VAT1L: variants seen among roughly 807,000 people sequenced by gnomAD.
VAT1L encodes putative NADPH-dependent quinone oxidoreductase VAT1L.
VAT1L carries 34 observed loss-of-function variants against 44.1 expected under a neutral mutation model. That is an observed-to-expected ratio of 0.77 (90% confidence interval 0.59 to 1.03). VAT1L has a LOEUF of 1.03. Ranked by LOEUF, VAT1L falls within the 50% of genes least tolerant of loss-of-function variation. VAT1L has a pLI of 0.00. For synonymous variants in VAT1L, 253 were observed against 202.2 expected, an observed-to-expected ratio of 1.25 and a Z score of -2.13; for missense variants, 615 against 538.8, an observed-to-expected ratio of 1.14 and a Z score of -1.40.
chr16:77,923,224 G>C (rs899453827), intron 7 of VAT1L, among the ~76,000 whole-genome samples: 4 of 152,224 alleles, frequency 2.6e-5, no homozygotes, highest in African/African-American at 9.6e-5. Context: ...GCCAAGGTGG[G>C]TGGATCATGA....
chr16:77,944,522 G>C (rs185577979), intron 7 of VAT1L, among the ~76,000 whole-genome samples: 3 of 152,138 alleles, frequency 2.0e-5, no homozygotes, highest in African/African-American at 7.2e-5. Flanking sequence ...CATGAGCATA[G>C]TAAGTGCTAG....
intron 3 of VAT1L, among the ~76,000 whole-genome samples, chr16:77,841,578 G>T (rs117962229): frequency 3.9e-5 from 6 of 152,128 alleles, no homozygotes; most frequent in African/African-American, 1.4e-4. Flanking sequence ...CTTTGTCCAC[G>T]GTACAGGAAT....
intron 3 of VAT1L, among the ~76,000 whole-genome samples, chr16:77,845,492 C>T (rs909709498): frequency 6.6e-6 from 1 of 152,182 alleles, no homozygotes; most frequent in Admixed American, 6.5e-5. Flanking sequence ...CACCCTAACT[C>T]GTTCATCTGA....
At chr16:77,977,077 C>G (rs2018349307) in intron 8 of VAT1L, among the ~76,000 whole-genome samples, 1 of 152,210 alleles carries the variant, frequency 6.6e-6, no homozygotes, top group African/African-American at 2.4e-5. Flanking sequence ...CTTGTGGGCA[C>G]CTGCCCCTCT....
intron 3 of VAT1L, among the ~76,000 whole-genome samples, chr16:77,842,300 A>G (rs1237969924): frequency 6.6e-6 from 1 of 152,166 alleles, no homozygotes; most frequent in Non-Finnish European, 1.5e-5. Flanking sequence ...CTGTAGATCT[A>G]TAGATGGGTG....
In VAT1L at chr16:77,906,157, C is replaced by T. The variant is rs2017434606; in HGVS notation, c.1077+21355C>T. On this transcript the variant is annotated intron_variant, in intron 7 of 8. Coordinates refer to ENST00000302536, the MANE Select transcript of VAT1L (RefSeq NM_020927.3). ...CACTCATCAAAAAGTTTGTCACTTA[C>T]TCTGTGCTAGGGGATGTTGTAAGGT... 2.0e-5 allele frequency among the ~76,000 whole-genome samples: 3 copies of T among 152,184 alleles called. No homozygotes were observed. In the South Asian group the frequency reaches 6.2e-4, roughly 32 times the overall value.
At chr16:77,806,110 G>C (rs533811494) in intron 1 of VAT1L, among the ~76,000 whole-genome samples, 1 of 151,916 alleles carries the variant, frequency 6.6e-6, no homozygotes, top group African/African-American at 2.4e-5. Context: ...TGATCTGCCT[G>C]CCTTGGCCTC....
intron 7 of VAT1L, among the ~76,000 whole-genome samples, chr16:77,916,556 A>G (rs1473171499): frequency 6.6e-6 from 1 of 152,154 alleles, no homozygotes; most frequent in Non-Finnish European, 1.5e-5. Flanking sequence ...GCCTCAAGCA[A>G]TTCTCCCCAG....
chr16:77,849,394 C>T (rs978052105), intron 3 of VAT1L, among the ~76,000 whole-genome samples: 1 of 152,156 alleles, frequency 6.6e-6, no homozygotes, highest in Non-Finnish European at 1.5e-5. Flanking sequence ...CATTCATCTC[C>T]ATGTTTTTAT....
At chr16:77,900,317 C>T (rs2017366831) in intron 7 of VAT1L, among the ~76,000 whole-genome samples, 1 of 151,960 alleles carries the variant, frequency 6.6e-6, no homozygotes, top group Non-Finnish European at 1.5e-5. Flanking sequence ...CTTATTTTGC[C>T]CTTTCTCCCA....
chr16:77,799,782 AG>A (rs1168647646), intron 1 of VAT1L, among the ~76,000 whole-genome samples: 2 of 152,138 alleles, frequency 1.3e-5, no homozygotes, highest in Non-Finnish European at 2.9e-5. Context: ...ACAGTTATTA[AG>A]TCACATTAAA....
intron 1 of VAT1L, among the ~76,000 whole-genome samples, chr16:77,802,622 ACACACACACACACACACACACACACAC>A (rs2016082256): frequency 3.0e-4 from 25 of 83,478 alleles, no homozygotes; most frequent in Non-Finnish European, 6.4e-4. Context: ...TCAAACACAC[ACACACACACACACACACACACACACAC>A]ACACACACAC....
At chr16:77,905,747 C>T (rs2017430189) in intron 7 of VAT1L, among the ~76,000 whole-genome samples, 1 of 152,100 alleles carries the variant, frequency 6.6e-6, no homozygotes, top group East Asian at 1.9e-4. Flanking sequence ...ACTTTCATCA[C>T]CTGTGTTTGT....
At chr16:77,811,795 G>T (rs1356509760) in intron 1 of VAT1L, among the ~76,000 whole-genome samples, 2 of 152,144 alleles carry the variant, frequency 1.3e-5, no homozygotes, top group Non-Finnish European at 2.9e-5. Context: ...AAGTGTAGAG[G>T]CCAAGGCTAG....
chr16:77,903,495 C>G (rs1470786251), intron 7 of VAT1L, among the ~76,000 whole-genome samples: 1 of 152,052 alleles, frequency 6.6e-6, no homozygotes, highest in Non-Finnish European at 1.5e-5. Context: ...AATAGCACTA[C>G]TAGTTACTGA....
In VAT1L at chr16:77,866,492, A is replaced by G. The variant is rs540557454; in HGVS notation, c.722+3602A>G. ...ACAAATTCTCGGTGCATGTAGACTT[A>G]AAATGAAAGGAAAGGGAAAATATCC... On this transcript the variant is annotated intron_variant, in intron 4 of 8. Transcript: ENST00000302536. Among the ~76,000 whole-genome samples, 24 of 152,358 alleles carry G rather than the reference A, an allele frequency of 1.6e-4. No homozygotes were observed. The South Asian group carries it at 4.8e-3, about 30-fold the overall frequency.
chr16:77,919,539 A>T (rs1340538198), intron 7 of VAT1L, among the ~76,000 whole-genome samples: 1 of 152,218 alleles, frequency 6.6e-6, no homozygotes, highest in Non-Finnish European at 1.5e-5. Flanking sequence ...TGCAAGCGTT[A>T]CTGAGCGAGT....
chr16:77,910,229 A>T (rs1381008908), intron 7 of VAT1L, among the ~76,000 whole-genome samples: 1 of 152,210 alleles, frequency 6.6e-6, no homozygotes, highest in African/African-American at 2.4e-5. Context: ...AGAGAAAATG[A>T]AAACTTGGGA....
intron 2 of VAT1L, among the ~76,000 whole-genome samples, chr16:77,819,487 T>C (rs190560027): frequency 7.2e-5 from 11 of 152,294 alleles, no homozygotes; most frequent in Non-Finnish European, 8.8e-5. Context: ...TTTCAAGTGA[T>C]TCTCCTACCT....
Sources: allele counts gnomAD v4.1 joint callset (sites outside exome capture counted in the v4.1 genomes callset), GRCh38; gene constraint gnomAD v4.1.1; transcripts MANE v1.5; gene names NCBI Gene and HGNC (gene_info 2026-07-23, HGNC 2026-07-21).